USO1: variants seen among roughly 807,000 people sequenced by gnomAD.
USO1 encodes the protein USO1 vesicle transport factor.
In USO1, 57 loss-of-function variants were observed where a neutral mutation model predicts 124.5. The observed-to-expected ratio is 0.46, with a 90% CI of 0.37 to 0.57. The LOEUF (loss-of-function observed/expected upper bound fraction) is 0.57, where lower values mean the gene tolerates loss of function less well. Among genes scored for constraint, USO1 ranks in the 20% least tolerant of loss-of-function variants. The pLI is 0.00. For synonymous variants in USO1, 369 were observed against 362.8 expected (o/e 1.02, Z -0.19); for missense variants, 900 against 1,040.6 (o/e 0.86, Z 1.86).
chr4:75,788,365 A>G (rs759414911), intron 10 of USO1, among the ~76,000 whole-genome samples: 152 of 150,066 alleles, frequency 1.0e-3, no homozygotes, highest in African/African-American at 3.5e-3. Flanking sequence ...ACAGGGTCTC[A>G]CCATGTTGGC....
rs919300784 is a variant in USO1 at position 75,750,619 on chromosome 4, G to T, written c.67-1754G>T. Among the ~76,000 whole-genome samples, 667 of 152,038 alleles carry T rather than the reference G, an allele frequency of 4.4e-3. 3 individuals carry two copies. Among genetic ancestry groups the T allele is most frequent in the Middle Eastern group, 0.02 (6 of 294 alleles). ...CTGCCTCAGCTTCCCGAGTAGCTGGGGACTATAGGTGCGCACCACCTCACC... is the reference window on the plus strand; with the variant it reads ...CTGCCTCAGCTTCCCGAGTAGCTGGTGACTATAGGTGCGCACCACCTCACC... On this transcript the variant is annotated intron_variant, in intron 1 of 23. Transcript: ENST00000514213.
chr4:75,749,890 T>C (rs1434431691), intron 1 of USO1, among the ~76,000 whole-genome samples: 1 of 152,078 alleles, frequency 6.6e-6, no homozygotes, highest in Non-Finnish European at 1.5e-5. Flanking sequence ...TAGCTGGGAC[T>C]ACAGGCACCC....
intron 1 of USO1, among the ~76,000 whole-genome samples, chr4:75,733,281 A>G (rs570653246): frequency 1.3e-5 from 2 of 152,186 alleles, no homozygotes; most frequent in African/African-American, 4.8e-5. Flanking sequence ...AAAAAAAATA[A>G]ATTAAGTCTG....
rs748094772 is a variant in USO1, at chr4:75,810,476, C to A, written c.2520C>A (p.Ala840=). The A allele has an allele frequency of 6.2e-7, 1 of 1,612,874 alleles. No homozygotes were observed. Among genetic ancestry groups the A allele is most frequent in the Non-Finnish European group, 8.5e-7 (1 of 1,179,538 alleles). The change falls in exon 22 of 24, where the codon GCC becomes GCA. Residue 840 remains alanine (A), a synonymous_variant. Transcript: ENST00000514213. ...AAGGAGAGACCGAGACTATAATAGC[C>A]ACCAAAACTACTGATGTAGAAGGAA... The part of the protein sequence containing the change: ...EVQGETETII[A]TKTTDVEGRL...
At chr4:75,743,926 G>A (rs919455779) in intron 1 of USO1, among the ~76,000 whole-genome samples, 71 of 152,062 alleles carry the variant, frequency 4.7e-4, no homozygotes, top group African/African-American at 1.6e-3. Context: ...ACAGGCGCCC[G>A]CCACCACGGC....
Position 75,782,091 on chromosome 4 carries a change from A to G in USO1, c.677-589A>G, listed in dbSNP as rs115144836. On this transcript the variant is annotated intron_variant, in intron 8 of 23. Coordinates refer to ENST00000514213, the MANE Select transcript of USO1 (RefSeq NM_003715.4). ...ACCTGCAGAGCTGTAAGGAAAATCA[A>G]GAGAGCATAATGTTTTAGAAATCAA... Among the ~76,000 whole-genome samples, 611 of 152,364 alleles carry G rather than the reference A, an allele frequency of 4.0e-3. 8 individuals carry two copies. The highest frequency in any genetic ancestry group is 0.014 in the African/African-American group (588 of 41,592).
chr4:75,803,784 G>A (rs189636516), intron 17 of USO1, among the ~76,000 whole-genome samples: 8 of 151,754 alleles, frequency 5.3e-5, no homozygotes, highest in South Asian at 2.1e-4. Context: ...TAATATAGAA[G>A]CATATGTATA....
In USO1 at chr4:75,799,603, A is replaced by C; in HGVS notation, c.1453-19A>C. ...ATATAAAATGAATGGAAAGATTTCT[A>C]CCAATTTATCTGTTGCAGGGAAGCA... On this transcript the variant is annotated intron_variant, in intron 13 of 23. Coordinates refer to ENST00000514213, the MANE Select transcript of USO1 (RefSeq NM_003715.4). 1.9e-6 allele frequency: 3 copies of C among 1,610,220 alleles called. No homozygotes were observed. The highest frequency in any genetic ancestry group is 2.5e-6 in the Non-Finnish European group (3 of 1,178,514).
chr4:75,807,636 A>G (rs554222565), intron 20 of USO1, among the ~76,000 whole-genome samples: 2 of 152,082 alleles, frequency 1.3e-5, no homozygotes, highest in South Asian at 2.1e-4. Context: ...TTTGTTCACA[A>G]TGTTTTATTT....
At position 75,800,470 on chromosome 4, in the gene USO1, G is replaced by A; in HGVS notation, c.1682+1G>A. ...ATAACTCACTTGAGAGCTACATGAA[G>A]TAAGTAAGGGGAAGATGGTTTTCTA... On this transcript the variant is annotated splice_donor_variant, in intron 15 of 23. Transcript: ENST00000514213. LOFTEE classifies it high-confidence loss of function. The A allele has an allele frequency of 6.4e-7, 1 of 1,574,376 alleles. No individual in the cohort carries two copies. The highest frequency in any genetic ancestry group is 2.3e-5 in the East Asian group (1 of 42,934).
chr4:75,732,783 G>T (rs1162143342), intron 1 of USO1, among the ~76,000 whole-genome samples: 1 of 142,952 alleles, frequency 7.0e-6, no homozygotes, highest in African/African-American at 2.6e-5. Flanking sequence ...GGAAGCTGAG[G>T]CAGGAGAATC....
At chr4:75,799,329 A>ATT (rs1424367351) in intron 13 of USO1, among the ~76,000 whole-genome samples, 5 of 151,948 alleles carry the variant, frequency 3.3e-5, no homozygotes, top group Non-Finnish European at 5.9e-5. Flanking sequence ...CTCCACACTG[A>ATT]TTTTTTTCCT....
chr4:75,757,822 G>A (rs750047230), intron 4 of USO1, among the ~76,000 whole-genome samples: 4 of 151,898 alleles, frequency 2.6e-5, no homozygotes, highest in South Asian at 2.1e-4. Context: ...ATTTTTGCCC[G>A]CTTGTGTTTG....
intron 3 of USO1, among the ~76,000 whole-genome samples, chr4:75,757,238 CAA>C (rs1264194564): frequency 6.6e-6 from 1 of 151,928 alleles, no homozygotes; most frequent in Non-Finnish European, 1.5e-5. Context: ...AGTAAAAAAA[CAA>C]AATACATTTT....
At chr4:75,780,557 C>T (rs1018652320) in intron 8 of USO1, among the ~76,000 whole-genome samples, 1 of 151,260 alleles carries the variant, frequency 6.6e-6, no homozygotes, top group Non-Finnish European at 1.5e-5. Context: ...AGACGTGAGC[C>T]ACTGTGCCCA....
chr4:75,812,133 T>G, intron 22 of USO1, 27 bp from the exon 23 acceptor site: 1 of 1,569,424 alleles, frequency 6.4e-7, no homozygotes, highest in Non-Finnish European at 8.6e-7. Context: ...AATTTTAGAT[T>G]CCTGCCTTTC....
Position 75,809,042 on chromosome 4 carries a change from AG to A in USO1, c.2467del (p.Glu823LysfsTer16), listed in dbSNP as rs1723072063. 1 of 1,594,002 alleles carries A rather than the reference AG, an allele frequency of 6.3e-7. No individual in the cohort carries two copies. Among genetic ancestry groups the A allele is most frequent in the Non-Finnish European group, 8.5e-7 (1 of 1,170,718 alleles). On this transcript the variant is annotated frameshift_variant, in exon 21 of 24. Coordinates refer to ENST00000514213, the MANE Select transcript of USO1 (RefSeq NM_003715.4). LOFTEE classifies it high-confidence loss of function. ...AAAAGCAGGAACTGTTACAGAAAACAGAAGCGTTTGTAAGTATTTTCTCTTT... is the reference window on the plus strand; with the variant it reads ...AAAAGCAGGAACTGTTACAGAAAACAAAGCGTTTGTAAGTATTTTCTCTTT... Reference protein sequence around the residue: ...TEKQELLQKTEAFAKSVEVQG... With the variant: ...TEKQELLQKTXAFAKSVEVQG...
intron 4 of USO1, among the ~76,000 whole-genome samples, chr4:75,757,906 A>G (rs919580405): frequency 6.6e-6 from 1 of 152,112 alleles, no homozygotes; most frequent in Non-Finnish European, 1.5e-5. Flanking sequence ...TTGAAAATTT[A>G]TATTATTATC....
intron 12 of USO1, among the ~76,000 whole-genome samples, chr4:75,791,731 A>G (rs554692575): frequency 6.6e-6 from 1 of 152,296 alleles, no homozygotes; most frequent in South Asian, 2.1e-4. Context: ...GGAAACATCA[A>G]TAAAACTCAT....
Sources: allele counts gnomAD v4.1 joint callset (sites outside exome capture counted in the v4.1 genomes callset), GRCh38; gene constraint gnomAD v4.1.1; transcripts MANE v1.5; gene names NCBI Gene and HGNC (gene_info 2026-07-23, HGNC 2026-07-21).